The following LPAR1 variants were observed in gnomAD, a reference collection of about 807,000 sequenced individuals.
LPAR1 encodes the protein lysophosphatidic acid receptor 1.
A neutral mutation model predicts 23.8 loss-of-function variants in LPAR1; 5 were observed. The ratio of observed to expected loss-of-function variants is 0.21; its 90% CI spans 0.11 to 0.44. The LOEUF (loss-of-function observed/expected upper bound fraction) is 0.44, where lower values mean the gene tolerates loss of function less well. LPAR1 is among the 20% of genes least tolerant of loss of function. The pLI, the probability that LPAR1 is intolerant of heterozygous loss-of-function variation, is 0.99. For missense variants in LPAR1, 311 were observed against 482.8 expected (o/e 0.64, Z 3.33); for synonymous variants, 160 against 164.7 (o/e 0.97, Z 0.22).
chr9:111,016,349 C>T (rs931156358), intron 2 of LPAR1, among the ~76,000 whole-genome samples: 3 of 152,184 alleles, frequency 2.0e-5, no homozygotes, highest in African/African-American at 7.2e-5. Context: ...GATACAGAAA[C>T]TACACTTGCA....
At chr9:110,898,785 C>G (rs1375235824) in intron 5 of LPAR1, among the ~76,000 whole-genome samples, 2 of 152,194 alleles carry the variant, frequency 1.3e-5, no homozygotes, top group Non-Finnish European at 2.9e-5. Flanking sequence ...TAATTTGCTC[C>G]TTTTCTGTAG....
intron 2 of LPAR1, among the ~76,000 whole-genome samples, chr9:111,005,696 AC>A (rs1452475454): frequency 6.6e-6 from 1 of 151,930 alleles, no homozygotes; most frequent in East Asian, 1.9e-4. Context: ...CAACAAAACT[AC>A]CTGGAGTTCC....
intron 5 of LPAR1, among the ~76,000 whole-genome samples, chr9:110,925,983 C>T (rs564339107): frequency 3.9e-5 from 6 of 152,144 alleles, no homozygotes; most frequent in South Asian, 2.1e-4. Flanking sequence ...TGCAGTGGTG[C>T]GATCTCGGCT....
At chr9:110,905,142 C>T (rs1056508043) in intron 5 of LPAR1, among the ~76,000 whole-genome samples, 3 of 152,136 alleles carry the variant, frequency 2.0e-5, no homozygotes, top group Admixed American at 2.0e-4. Context: ...ACTAAAGGAA[C>T]TATATGAAAA....
intron 5 of LPAR1, among the ~76,000 whole-genome samples, chr9:110,907,958 G>C (rs961680678): frequency 8.0e-5 from 9 of 112,922 alleles, no homozygotes; most frequent in African/African-American, 3.4e-4. Context: ...CACACACACA[G>C]CTTTTCTGAT....
intron 5 of LPAR1, among the ~76,000 whole-genome samples, chr9:110,926,634 G>A (rs915148730): frequency 2.6e-5 from 4 of 152,134 alleles, no homozygotes; most frequent in African/African-American, 9.7e-5. Flanking sequence ...TATTTAGTGT[G>A]AAACAATCTA....
intron 2 of LPAR1, among the ~76,000 whole-genome samples, chr9:110,984,653 T>G (rs1279316847): frequency 6.6e-6 from 1 of 151,978 alleles, no homozygotes; most frequent in East Asian, 1.9e-4. Flanking sequence ...GAAAAATTTG[T>G]TCAAACACAT....
In LPAR1 at chr9:110,941,462, T is replaced by C; in HGVS notation, c.752A>G (p.Asp251Gly). The C allele has an allele frequency of 6.2e-7, 1 of 1,613,950 alleles. No individual in the cohort carries two copies. The highest frequency in any genetic ancestry group is 8.5e-7 in the Non-Finnish European group (1 of 1,179,942). Reference protein sequence around the residue: ...RHSSGPRRNRDTMMSLLKTVV... With the variant: ...RHSSGPRRNRGTMMSLLKTVV... ...AGTCTTCAGAAGACTCATCATGGTA[T>C]CCCGATTCCGCCGGGGTCCAGAACT... Residue 251 changes from aspartate (D) to glycine (G), a missense_variant, in exon 5 of 6, where the codon GAT becomes GGT. Asp to Gly is a moderately conservative substitution (Grantham distance 94). Around this residue, in one of 2 missense-constraint regions of LPAR1, gnomAD observed 250 missense variants for 427.2 expected, o/e 0.59. Coordinates refer to ENST00000683809, the MANE Select transcript of LPAR1 (RefSeq NM_001351411.2). The surrounding 1 kb of genome is among the most constrained non-coding windows in gnomAD (Gnocchi z 6.1).
At chr9:110,983,023 G>C (rs1445769212) in intron 2 of LPAR1, among the ~76,000 whole-genome samples, 1 of 151,922 alleles carries the variant, frequency 6.6e-6, no homozygotes, top group Non-Finnish European at 1.5e-5. Context: ...AGAAGTATTA[G>C]CAAGGATGTG....
chr9:110,947,030 AATGGCAACTTTTTGTATT>A (rs1379300836), intron 4 of LPAR1, among the ~76,000 whole-genome samples: 1 of 152,192 alleles, frequency 6.6e-6, no homozygotes, highest in Non-Finnish European at 1.5e-5. Flanking sequence ...ACTAAAGCAG[AATGGCAACTTTTTGTATT>A]ACTGGAGAAA....
intron 5 of LPAR1, among the ~76,000 whole-genome samples, chr9:110,890,483 T>TC (rs539546178): frequency 0.018 from 2,724 of 151,234 alleles, 25 homozygotes; most frequent in Non-Finnish European, 0.026. Context: ...AAAACAAATC[T>TC]CCCCCCCACA....
At chr9:110,917,186 A>AAC (rs1056647089) in intron 5 of LPAR1, among the ~76,000 whole-genome samples, 14 of 150,590 alleles carry the variant, frequency 9.3e-5, no homozygotes, top group African/African-American at 3.4e-4. Context: ...AAAAATACAA[A>AAC]AAAAAAAAAA....
chr9:110,911,418 C>T (rs1182234153), intron 5 of LPAR1, among the ~76,000 whole-genome samples: 1 of 152,092 alleles, frequency 6.6e-6, no homozygotes, highest in East Asian at 1.9e-4. Flanking sequence ...TGGTTCACAC[C>T]TGTGGCCCAG....
intron 2 of LPAR1, chr9:110,999,299 T>G: frequency 2.3e-6 from 1 of 434,714 alleles, no homozygotes; most frequent in Non-Finnish European, 4.6e-6. Context: ...CAGATGGAAC[T>G]GAATTAAAAG....
chr9:110,945,041 G>A (rs1204045922), intron 4 of LPAR1, among the ~76,000 whole-genome samples: 2 of 152,192 alleles, frequency 1.3e-5, no homozygotes, highest in African/African-American at 4.8e-5. Context: ...GAGAAGAAGT[G>A]AGAGGAATTT....
intron 5 of LPAR1, among the ~76,000 whole-genome samples, chr9:110,908,125 T>A (rs1393486746): frequency 6.6e-6 from 1 of 151,972 alleles, no homozygotes; most frequent in Non-Finnish European, 1.5e-5. Flanking sequence ...CTTTTCTTTT[T>A]TTTCCCTTAT....
At chr9:110,993,187 C>T (rs2096930241) in intron 2 of LPAR1, among the ~76,000 whole-genome samples, 1 of 151,854 alleles carries the variant, frequency 6.6e-6, no homozygotes, top group Non-Finnish European at 1.5e-5. Flanking sequence ...AGGTTTGTTA[C>T]ATAGGTATAC....
At chr9:110,972,022 A>G (rs2096440623) in intron 4 of LPAR1, 51 bp downstream of exon 4, 1 of 1,504,222 alleles carries the variant, frequency 6.6e-7, no homozygotes, top group Admixed American at 1.7e-5. Flanking sequence ...CAGTTTAAAT[A>G]TTTGACAAAC....
intron 5 of LPAR1, chr9:110,934,370 T>G (rs12380171): frequency 2.0e-5 from 3 of 151,980 alleles, no homozygotes; most frequent in African/African-American, 7.3e-5. Context: ...TAATGGGGGA[T>G]AGTGCATCTA....
Sources: allele counts gnomAD v4.1 joint callset (sites outside exome capture counted in the v4.1 genomes callset), GRCh38; gene constraint gnomAD v4.1.1; regional missense constraint gnomAD v4.1.1; non-coding constraint Gnocchi (gnomAD v3.1); transcripts MANE v1.5; gene names NCBI Gene and HGNC (gene_info 2026-07-23, HGNC 2026-07-21).